HARS1: variants seen among roughly 807,000 people sequenced by gnomAD.
The protein encoded by HARS1 is histidine--tRNA ligase, cytoplasmic.
Under a neutral mutation model 63.6 loss-of-function variants are expected in HARS1, and 45 were observed. The observed-to-expected ratio is 0.71, with a 90% CI of 0.56 to 0.91. The LOEUF (loss-of-function observed/expected upper bound fraction) is 0.91. Among genes scored for constraint, HARS1 ranks in the 40% least tolerant of loss-of-function variants. The pLI is 0.00. For synonymous variants in HARS1, 205 were observed against 247.1 expected (o/e 0.83, Z 1.60); for missense variants, 508 against 643.2 (o/e 0.79, Z 2.27).
At position 140,679,174 on chromosome 5, in the gene HARS1, A is replaced by T; in HGVS notation, c.397-47T>A. On this transcript the variant is annotated intron_variant, in intron 4 of 12. Coordinates refer to ENST00000504156, the MANE Select transcript of HARS1 (RefSeq NM_002109.6). This position sits in a 1 kb window ranked among gnomAD's most constrained non-coding sequence, Gnocchi z 4.3. The stretch of plus-strand genomic sequence containing the variant: ...GAAAGCCCCTCCTATCACTGTCTGC[A>T]AGTTGATTATCATCACCAACAGAAG... The T allele has an allele frequency of 6.2e-7, 1 of 1,603,170 alleles. No homozygotes were observed. Among genetic ancestry groups the T allele is most frequent in the Non-Finnish European group, 8.5e-7 (1 of 1,171,984 alleles).
At chr5:140,688,596 T>C (rs550172896) in intron 2 of HARS1, among the ~76,000 whole-genome samples, 2 of 152,346 alleles carry the variant, frequency 1.3e-5, no homozygotes, top group African/African-American at 4.8e-5. Flanking sequence ...ATAATATCTT[T>C]TTATGGTTGA....
At chr5:140,677,531 A>C in intron 7 of HARS1, 111 bp from the exon 8 acceptor site, 2 of 1,057,832 alleles carry the variant, frequency 1.9e-6, no homozygotes, top group Non-Finnish European at 3.0e-6. Flanking sequence ...ATGAGCCTAC[A>C]TCCTGGGGCT....
chr5:140,686,603 CTTT>C (rs569351034), intron 2 of HARS1, among the ~76,000 whole-genome samples: 5 of 135,938 alleles, frequency 3.7e-5, no homozygotes, highest in Non-Finnish European at 4.8e-5. Context: ...TTCTAAAATT[CTTT>C]TTTTTTTTTT....
intron 6 of HARS1, 33 bp from the exon 7 acceptor site, chr5:140,677,786 T>A: frequency 1.3e-4 from 164 of 1,277,160 alleles, no homozygotes; most frequent in Middle Eastern, 1.8e-4. Context: ...GAGGGGGGAA[T>A]CTCTTTTCTT....
chr5:140,687,235 C>T (rs1759091425), intron 2 of HARS1, among the ~76,000 whole-genome samples: 1 of 152,060 alleles, frequency 6.6e-6, no homozygotes, highest in Non-Finnish European at 1.5e-5. Context: ...TCAATAAAAT[C>T]AGTAAGTTTT....
At chr5:140,680,905 T>A (rs368255842) in intron 3 of HARS1, among the ~76,000 whole-genome samples, 3,092 of 144,142 alleles carry the variant, frequency 0.021, 108 homozygotes, top group African/African-American at 0.073. Flanking sequence ...TCTTTTTTTT[T>A]TTAAAAAAAA....
At chr5:140,686,546 CTT>C (rs1372626196) in intron 2 of HARS1, among the ~76,000 whole-genome samples, 6 of 148,060 alleles carry the variant, frequency 4.1e-5, no homozygotes, top group Non-Finnish European at 6.0e-5. Context: ...GTAGAAAACT[CTT>C]TAATTATTGG....
Position 140,674,044 on chromosome 5 carries a change from C to T in HARS1, c.*213G>A. 1.6e-6 allele frequency: 1 copy of T among 634,714 alleles called. No homozygotes were observed. The highest frequency in any genetic ancestry group is 2.8e-6 in the Non-Finnish European group (1 of 351,384). 39.3% of individuals were successfully genotyped at this position (634,714 alleles called of 1,614,324 possible). ...AGGAGCACAGACTGGACTAAGCCTC[C>T]TGGGCCTTGTATGAAAAAGGTGTTG... On this transcript the variant is annotated 3_prime_UTR_variant, in exon 13 of 13. Coordinates refer to ENST00000504156, the MANE Select transcript of HARS1 (RefSeq NM_002109.6).
chr5:140,681,611 T>C (rs2149830789), intron 3 of HARS1, among the ~76,000 whole-genome samples: 1 of 151,844 alleles, frequency 6.6e-6, no homozygotes, highest in South Asian at 2.1e-4. Flanking sequence ...GGAGTTGCAG[T>C]GAGATGAGAT....
In HARS1 at chr5:140,684,298, CA is replaced by C. The variant is rs1239036372; in HGVS notation, c.181-1080del. On this transcript the variant is annotated intron_variant, in intron 2 of 12. Transcript: ENST00000504156. ...GAGCAAGACTCTGTCAAAACAAAAA[CA>C]AAAACAAAAACAAACCCAACCAAAC... 1.1e-5 allele frequency: 10 copies of C among 940,822 alleles called. No homozygotes were observed. In the African/African-American group the frequency reaches 1.9e-4, roughly 18 times the overall value. The allele number at this position is 940,822 out of a possible 1,614,324, so 58.3% of individuals were successfully genotyped here. A position where few individuals can be genotyped will look rare whatever the true frequency, so the allele number is the denominator to read the frequency against.
chr5:140,679,900 T>G lies in HARS1; in HGVS notation c.301-17A>C. ...CAGTGTTTCCTGGAGAAAACATAAATAAATGTGGTCATAATAATAAACATA... is the reference window on the plus strand; with the variant it reads ...CAGTGTTTCCTGGAGAAAACATAAAGAAATGTGGTCATAATAATAAACATA... On this transcript the variant is annotated splice_polypyrimidine_tract_variant and intron_variant, in intron 3 of 12. Transcript: ENST00000504156. The surrounding 1 kb of genome is among the most constrained non-coding windows in gnomAD (Gnocchi z 4.3). 1 of 1,333,806 alleles carries G rather than the reference T, an allele frequency of 7.5e-7. No homozygotes were observed. The highest frequency in any genetic ancestry group is 1.1e-6 in the Non-Finnish European group (1 of 927,358). The allele number at this position is 1,333,806 out of a possible 1,614,324, so 82.6% of individuals were successfully genotyped here. A position where few individuals can be genotyped will look rare whatever the true frequency, so the allele number is the denominator to read the frequency against.
chr5:140,677,463 G>A (rs1758450419), intron 7 of HARS1, 43 bp from the exon 8 acceptor site: 8 of 1,420,346 alleles, frequency 5.6e-6, no homozygotes, highest in African/African-American at 1.4e-5. Context: ...GGCAGCTTCC[G>A]CACCACAGAG....
Position 140,686,991 on chromosome 5 carries a change from C to T in HARS1, c.181-3772G>A, listed in dbSNP as rs534423511. ...TTCCTTGAGGTGACGAGGCTCACTT[C>T]GTTTATTGTTGTAAAAATGTCTGCC... On this transcript the variant is annotated intron_variant, in intron 2 of 12. Coordinates refer to ENST00000504156, the MANE Select transcript of HARS1 (RefSeq NM_002109.6). Among the ~76,000 whole-genome samples the T allele has an allele frequency of 1.4e-3, 208 of 152,246 alleles. 2 individuals carry two copies. The highest frequency in any genetic ancestry group is 7.7e-4 in the East Asian group (4 of 5,190).
chr5:140,678,138 T>C (rs1272661342), intron 5 of HARS1, 123 bp from the exon 6 acceptor site: 3 of 652,662 alleles, frequency 4.6e-6, no homozygotes, highest in East Asian at 5.4e-5. Flanking sequence ...TTTCATTTTC[T>C]GATCATCAGC....
chr5:140,683,524 T>C, intron 2 of HARS1: 2 of 1,114,222 alleles, frequency 1.8e-6, no homozygotes, highest in South Asian at 2.5e-5. Context: ...GAACATTTCC[T>C]GGCCTAATAA....
Position 140,679,768 on chromosome 5 carries a change from G to A in HARS1, c.396+20C>T, listed in dbSNP as rs191205977. ...TGCCAATCCATCCAAAGTCTCAAGA[G>A]CCCAAGTTTAGAAAGATACAGTGAG... On this transcript the variant is annotated intron_variant, in intron 4 of 12. Transcript: ENST00000504156. This position sits in a 1 kb window ranked among gnomAD's most constrained non-coding sequence, Gnocchi z 4.3. The A allele has an allele frequency of 5.7e-5, 79 of 1,375,406 alleles. No homozygotes were observed. In the African/African-American group the frequency reaches 1.1e-3, roughly 19 times the overall value. The allele number at this position is 1,375,406 out of a possible 1,614,324, so 85.2% of individuals were successfully genotyped here.
In HARS1 at chr5:140,679,276, T is replaced by A; in HGVS notation, c.397-149A>T. 1 of 692,268 alleles carries A rather than the reference T, an allele frequency of 1.4e-6. No homozygotes were observed. The highest frequency in any genetic ancestry group is 2.5e-5 in the Admixed American group (1 of 39,518). The allele number at this position is 692,268 out of a possible 1,614,324, so 42.9% of individuals were successfully genotyped here. A position where few individuals can be genotyped will look rare whatever the true frequency, so the allele number is the denominator to read the frequency against. On this transcript the variant is annotated intron_variant, in intron 4 of 12. Coordinates refer to ENST00000504156, the MANE Select transcript of HARS1 (RefSeq NM_002109.6). This position sits in a 1 kb window ranked among gnomAD's most constrained non-coding sequence, Gnocchi z 4.3. ...TAGCACTTACAAACATCAGAAAGCA[T>A]CAGCTGTGCTACCACATGAGGTAGC...
chr5:140,686,240 ATTTG>A (rs1204334561), intron 2 of HARS1, among the ~76,000 whole-genome samples: 6 of 138,144 alleles, frequency 4.3e-5, no homozygotes, highest in Admixed American at 7.5e-5. Context: ...GCCTGTTTTT[ATTTG>A]TTTGTTTGTT....
chr5:140,676,940 A>C lies in HARS1; in HGVS notation c.952-44T>G. On this transcript the variant is annotated intron_variant, in intron 9 of 12. Transcript: ENST00000504156. The surrounding 1 kb of genome is among the most constrained non-coding windows in gnomAD (Gnocchi z 4.1). ...GGTCAGTGCCAGATTAAGATCAGGG[A>C]CCTGAAGCCCCAGAGCTCAGAAGGG... is the stretch of plus-strand genomic sequence containing the variant. 6.2e-7 allele frequency: 1 copy of C among 1,613,766 alleles called. No homozygotes were observed. The highest frequency in any genetic ancestry group is 1.7e-5 in the Admixed American group (1 of 59,986).
Sources: allele counts gnomAD v4.1 joint callset (sites outside exome capture counted in the v4.1 genomes callset), GRCh38; gene constraint gnomAD v4.1.1; non-coding constraint Gnocchi (gnomAD v3.1); transcripts MANE v1.5; gene names NCBI Gene and HGNC (gene_info 2026-07-23, HGNC 2026-07-21).